Variants in CD2AP observed in about 807,000 individuals in gnomAD.
CD2AP encodes the protein CD2-associated protein.
Under a neutral mutation model 85.1 loss-of-function variants are expected in CD2AP, and 46 were observed. The observed-to-expected ratio is 0.54, with a 90% confidence interval of 0.43 to 0.69. The LOEUF (loss-of-function observed/expected upper bound fraction) is 0.69, where lower values mean the gene tolerates loss of function less well. Among genes scored for constraint, CD2AP ranks in the 30% least tolerant of loss-of-function variants. CD2AP has a pLI of 0.00. For synonymous variants in CD2AP, 255 were observed against 252.9 expected (o/e 1.01, Z -0.08); for missense variants, 769 against 729.5 (o/e 1.05, Z -0.62).
intron 4 of CD2AP, among the ~76,000 whole-genome samples, chr6:47,550,352 T>A (rs757656409): frequency 5.3e-5 from 8 of 151,976 alleles, no homozygotes; most frequent in Non-Finnish European, 1.2e-4. Flanking sequence ...TCCAACAAAT[T>A]AGCAAGAAAA....
chr6:47,621,154 C>T (rs1242433249), intron 17 of CD2AP, among the ~76,000 whole-genome samples: 1 of 152,136 alleles, frequency 6.6e-6, no homozygotes, highest in Non-Finnish European at 1.5e-5. Flanking sequence ...AACTTTTCCC[C>T]ATTCTGTATT....
intron 8 of CD2AP, among the ~76,000 whole-genome samples, chr6:47,578,063 G>A (rs984493593): frequency 6.6e-6 from 1 of 151,938 alleles, no homozygotes; most frequent in Non-Finnish European, 1.5e-5. Flanking sequence ...GGCAATAGCA[G>A]CTAAAATCAT....
intron 11 of CD2AP, among the ~76,000 whole-genome samples, chr6:47,583,559 T>C (rs1238787540): frequency 6.6e-6 from 1 of 152,214 alleles, no homozygotes; most frequent in Non-Finnish European, 1.5e-5. Context: ...CTTAATTATA[T>C]GCCTTTAAAA....
chr6:47,524,401 A>G (rs186071714), intron 2 of CD2AP, among the ~76,000 whole-genome samples: 1 of 152,294 alleles, frequency 6.6e-6, no homozygotes, highest in East Asian at 1.9e-4. Context: ...TTTTTCCGTT[A>G]GAAGAAATTG....
chr6:47,603,207 C>T (rs918520984), intron 13 of CD2AP, among the ~76,000 whole-genome samples: 4 of 151,828 alleles, frequency 2.6e-5, no homozygotes, highest in Non-Finnish European at 5.9e-5. Flanking sequence ...CTTGTAAGTA[C>T]CATATAAGGC....
chr6:47,612,680 C>A lies in CD2AP; in HGVS notation c.1878+144C>A. Reference sequence around the variant, plus strand: ...CACACAATGGACTACTATTCAGTCACAAAAAAAGAATGAGATCCTGTCATT... The same window carrying A: ...CACACAATGGACTACTATTCAGTCAAAAAAAAAGAATGAGATCCTGTCATT... On this transcript the variant is annotated intron_variant, in intron 17 of 17. Coordinates refer to ENST00000359314, the MANE Select transcript of CD2AP (RefSeq NM_012120.3). 4.6e-6 allele frequency: 3 copies of A among 654,002 alleles called. No individual in the cohort carries two copies. In the Admixed American group the frequency reaches 7.2e-5, roughly 16 times the overall value. 40.5% of individuals were successfully genotyped at this position (654,002 alleles called of 1,614,324 possible).
At chr6:47,579,593 G>A in intron 9 of CD2AP, 104 bp downstream of exon 9, 1 of 739,702 alleles carries the variant, frequency 1.4e-6, no homozygotes. Context: ...TTTTTATGAA[G>A]GAGTTTCAGA....
chr6:47,533,618 C>G lies in CD2AP; in HGVS notation c.182C>G (p.Thr61Arg). 1 of 1,613,670 alleles carries G rather than the reference C, an allele frequency of 6.2e-7. No homozygotes were observed. The highest frequency in any genetic ancestry group is 8.5e-7 in the Non-Finnish European group (1 of 1,179,868). ...CTTTTGTAGGAAATTAAAAGAGAGACGGAATTCAAGGATGACAGTTTGCCC... is the reference window on the plus strand; with the variant it reads ...CTTTTGTAGGAAATTAAAAGAGAGAGGGAATTCAAGGATGACAGTTTGCCC... ...DNFVKEIKRE[T>R]EFKDDSLPIK... Residue 61 changes from threonine (T) to arginine (R), a missense_variant, in exon 3 of 18, where the codon ACG (threonine) becomes AGG (arginine). Coordinates refer to ENST00000359314, the MANE Select transcript of CD2AP (RefSeq NM_012120.3).
At chr6:47,554,071 C>T (rs1767606505) in intron 4 of CD2AP, among the ~76,000 whole-genome samples, 1 of 151,990 alleles carries the variant, frequency 6.6e-6, no homozygotes, top group Non-Finnish European at 1.5e-5. Context: ...AACCACCATG[C>T]CCAGCTAACT....
intron 11 of CD2AP, among the ~76,000 whole-genome samples, chr6:47,592,074 G>A (rs1768815478): frequency 1.3e-5 from 2 of 152,048 alleles, no homozygotes; most frequent in South Asian, 2.1e-4. Flanking sequence ...GGCTTCAAGC[G>A]ATGCCCCCAT....
intron 2 of CD2AP, among the ~76,000 whole-genome samples, chr6:47,513,841 T>C (rs929397903): frequency 6.8e-6 from 1 of 146,574 alleles, no homozygotes; most frequent in South Asian, 2.3e-4. Flanking sequence ...CAAGTAATTA[T>C]ACCAATTTAA....
chr6:47,605,788 AATTT>A (rs1769254127), intron 13 of CD2AP, among the ~76,000 whole-genome samples: 2 of 151,990 alleles, frequency 1.3e-5, no homozygotes, highest in Non-Finnish European at 2.9e-5. Context: ...GAGATCTTTT[AATTT>A]ATTATGAGTT....
At chr6:47,613,319 A>C (rs1769497178) in intron 17 of CD2AP, among the ~76,000 whole-genome samples, 1 of 152,170 alleles carries the variant, frequency 6.6e-6, no homozygotes, top group Admixed American at 6.6e-5. Context: ...TATGGCAGCT[A>C]TAGCCTTCCA....
At chr6:47,562,403 G>A (rs7755049) in intron 5 of CD2AP, among the ~76,000 whole-genome samples, 150,782 of 152,296 alleles carry the variant, frequency 0.99, 74,659 homozygotes, top group Middle Eastern at 1. Flanking sequence ...CAGATCTAAT[G>A]ATGAGAGCTA....
At chr6:47,485,182 T>C (rs1765536766) in intron 1 of CD2AP, among the ~76,000 whole-genome samples, 1 of 152,194 alleles carries the variant, frequency 6.6e-6, no homozygotes, top group African/African-American at 2.4e-5. Flanking sequence ...CTTCTACTTA[T>C]TAAAAGAAGT....
chr6:47,538,239 A>T (rs1410311160), intron 3 of CD2AP, among the ~76,000 whole-genome samples: 3 of 152,018 alleles, frequency 2.0e-5, no homozygotes, highest in African/African-American at 4.8e-5. Context: ...TTTTTATTTT[A>T]TTTTATTTAT....
chr6:47,541,200 T>G (rs1296927308), intron 3 of CD2AP, among the ~76,000 whole-genome samples: 3 of 152,216 alleles, frequency 2.0e-5, no homozygotes, highest in Non-Finnish European at 4.4e-5. Context: ...CTCAGCTCAC[T>G]GCAAGCTCCG....
At chr6:47,508,161 A>G (rs1012098610) in intron 2 of CD2AP, among the ~76,000 whole-genome samples, 1 of 152,246 alleles carries the variant, frequency 6.6e-6, no homozygotes, top group Non-Finnish European at 1.5e-5. Flanking sequence ...CCTTGAAGCT[A>G]GGCTTTGATT....
intron 3 of CD2AP, among the ~76,000 whole-genome samples, chr6:47,537,391 T>C (rs1415838936): frequency 1.3e-5 from 2 of 152,108 alleles, no homozygotes; most frequent in African/African-American, 2.4e-5. Context: ...CTCAAATGAC[T>C]AGATCATCTT....
Sources: gnomAD v4.1 joint callset for allele counts (sites outside exome capture counted in the v4.1 genomes callset) on GRCh38, gnomAD v4.1.1 for gene constraint, MANE v1.5 for transcripts, NCBI Gene and HGNC (gene_info 2026-07-23, HGNC 2026-07-21) for gene names.